DENND2C: variants seen among roughly 807,000 people sequenced by gnomAD.
DENND2C encodes DENN domain-containing protein 2C.
Under a neutral mutation model 112.4 loss-of-function variants are expected in DENND2C, and 72 were observed. That is an observed-to-expected ratio of 0.64 (90% CI 0.53 to 0.78). DENND2C has a LOEUF of 0.78. DENND2C is among the 30% of genes least tolerant of loss of function. The pLI, the probability that DENND2C is intolerant of heterozygous loss-of-function variation, is 0.00. For missense variants in DENND2C, 992 were observed against 1,113.8 expected (o/e 0.89, Z 1.56); for synonymous variants, 329 against 381.6 (o/e 0.86, Z 1.61).
chr1:114,669,065 G>A (rs1213736687), intron 1 of DENND2C, among the ~76,000 whole-genome samples: 1 of 152,172 alleles, frequency 6.6e-6, no homozygotes, highest in Non-Finnish European at 1.5e-5. Context: ...TGTGGGAAAA[G>A]TTTAAACAAC....
Position 114,587,855 on chromosome 1 carries a change from C to T in DENND2C, c.2529G>A (p.Gly843=), listed in dbSNP as rs745509521. ...ATGGTTCCCTTTGGAAAACACGCTC[C>T]CCACGCTCAGTGACAGTCATGTTCA... ...YSLNMTVTER[G]ERVFQREPFR... The change falls in exon 19 of 21, where the codon GGG becomes GGA. Residue 843 remains glycine, a synonymous_variant. Transcript: ENST00000393274. The T allele has an allele frequency of 1.2e-6, 2 of 1,614,116 alleles. No individual in the cohort carries two copies. The highest frequency in any genetic ancestry group is 3.3e-5 in the Admixed American group (2 of 60,004).
intron 1 of DENND2C, among the ~76,000 whole-genome samples, chr1:114,668,658 T>C (rs1657709168): frequency 6.6e-6 from 1 of 152,050 alleles, no homozygotes; most frequent in Non-Finnish European, 1.5e-5. Context: ...GCCTACAGGT[T>C]ACAAAACTGC....
At chr1:114,604,017 A>T (rs564330984) in intron 11 of DENND2C, among the ~76,000 whole-genome samples, 1 of 152,278 alleles carries the variant, frequency 6.6e-6, no homozygotes, top group South Asian at 2.1e-4. Flanking sequence ...AACATATATA[A>T]CTTGTTGTGG....
chr1:114,624,835 G>T (rs897386110), intron 4 of DENND2C, among the ~76,000 whole-genome samples: 4 of 151,928 alleles, frequency 2.6e-5, no homozygotes, highest in Non-Finnish European at 5.9e-5. Flanking sequence ...TGGCCAGGCT[G>T]GTCTTGAACT....
At chr1:114,629,576 G>T (rs2101670993) in intron 3 of DENND2C, among the ~76,000 whole-genome samples, 1 of 152,304 alleles carries the variant, frequency 6.6e-6, no homozygotes, top group South Asian at 2.1e-4. Flanking sequence ...ACTGTGCCTG[G>T]CCAAGCATGA....
At chr1:114,621,093 T>C (rs1365751660) in intron 7 of DENND2C, among the ~76,000 whole-genome samples, 2 of 152,176 alleles carry the variant, frequency 1.3e-5, no homozygotes. Context: ...AAGTTTAAAA[T>C]TTTTTCATAT....
chr1:114,617,631 C>A (rs536670299), intron 8 of DENND2C, among the ~76,000 whole-genome samples: 3 of 148,564 alleles, frequency 2.0e-5, no homozygotes, highest in Non-Finnish European at 4.5e-5. Context: ...TAAATGACTA[C>A]AAGTTGAGTA....
intron 16 of DENND2C, among the ~76,000 whole-genome samples, chr1:114,597,880 T>C (rs1655387634): frequency 6.6e-6 from 1 of 152,128 alleles, no homozygotes. Context: ...AATAGAAGGA[T>C]GCTCAACCTC....
intron 8 of DENND2C, among the ~76,000 whole-genome samples, chr1:114,617,525 G>A (rs1656007739): frequency 6.6e-6 from 1 of 152,002 alleles, no homozygotes; most frequent in Non-Finnish European, 1.5e-5. Flanking sequence ...GGTCAGGCTG[G>A]TCTCGAACTC....
chr1:114,663,327 A>G (rs961696463), intron 1 of DENND2C, among the ~76,000 whole-genome samples: 3 of 152,226 alleles, frequency 2.0e-5, no homozygotes, highest in Non-Finnish European at 4.4e-5. Context: ...TGATTCAGTA[A>G]AGAACACTGA....
chr1:114,658,706 A>T (rs750739350), intron 1 of DENND2C, among the ~76,000 whole-genome samples: 2 of 147,850 alleles, frequency 1.4e-5, no homozygotes, highest in Admixed American at 1.4e-4. Flanking sequence ...GGGAGGAGAA[A>T]GTCTGATGGA....
Position 114,667,831 on chromosome 1 carries a change from T to C in DENND2C, c.-574+2152A>G, listed in dbSNP as rs1020765431. 2.0e-5 allele frequency among the ~76,000 whole-genome samples: 3 copies of C among 152,294 alleles called. No individual in the cohort carries two copies. The South Asian group carries it at 6.2e-4, about 32-fold the overall frequency. The stretch of plus-strand genomic sequence containing the variant: ...TTTTGCTATCTAGGTTGTCTAATCA[T>C]GGGCAAGTTACTCAACCTCTCTATG... On this transcript the variant is annotated intron_variant, in intron 1 of 20. Coordinates refer to ENST00000393274, the MANE Select transcript of DENND2C (RefSeq NM_001256404.2).
At chr1:114,612,462 C>G (rs572740478) in intron 8 of DENND2C, among the ~76,000 whole-genome samples, 7 of 151,684 alleles carry the variant, frequency 4.6e-5, no homozygotes, top group African/African-American at 1.5e-4. Flanking sequence ...ACTGATCCCC[C>G]CTACCTCAGC....
intron 3 of DENND2C, among the ~76,000 whole-genome samples, chr1:114,637,838 T>C (rs991967227): frequency 2.6e-5 from 4 of 152,072 alleles, no homozygotes; most frequent in Admixed American, 6.6e-5. Flanking sequence ...TTTGTTACTA[T>C]AAAAAATTAT....
Position 114,587,781 on chromosome 1 carries a change from A to G in DENND2C, c.2603T>C (p.Phe868Ser), listed in dbSNP as rs138334687. ...TCCTGCAAACATCTGAGTTTCCATGAAGAGATCCAGGAAGTGGCGTACACT... is the reference window on the plus strand; with the variant it reads ...TCCTGCAAACATCTGAGTTTCCATGGAGAGATCCAGGAAGTGGCGTACACT... ...SRSVRHFLDL[F>S]METQMFAGFI... is the part of the protein sequence containing the mutation. Residue 868 changes from phenylalanine (F) to serine (S), a missense_variant, in exon 19 of 21, where the codon TTC (phenylalanine) becomes TCC (serine). Physicochemically the swap from Phe to Ser is radical, Grantham distance 155. Transcript: ENST00000393274. 1 of 1,613,994 alleles carries G rather than the reference A, an allele frequency of 6.2e-7. No homozygotes were observed. Among genetic ancestry groups the G allele is most frequent in the African/African-American group, 1.3e-5 (1 of 74,896 alleles).
chr1:114,604,890 T>C (rs1383867025), intron 11 of DENND2C, 32 bp downstream of exon 11: 1 of 1,462,428 alleles, frequency 6.8e-7, no homozygotes, highest in Non-Finnish European at 9.6e-7. Context: ...GCAGGTCTAA[T>C]GAATAGAAAT....
intron 20 of DENND2C, among the ~76,000 whole-genome samples, chr1:114,585,852 T>A (rs1359824507): frequency 6.6e-6 from 1 of 152,204 alleles, no homozygotes; most frequent in Non-Finnish European, 1.5e-5. Flanking sequence ...TCAGACATCA[T>A]GTAATCCAGT....
chr1:114,621,698 C>T (rs995839206), intron 7 of DENND2C, among the ~76,000 whole-genome samples, 197 bp downstream of exon 7: 1 of 152,232 alleles, frequency 6.6e-6, no homozygotes. Context: ...TAAAAATCCA[C>T]AACGAAACTC....
At chr1:114,668,709 C>T (rs1004894284) in intron 1 of DENND2C, among the ~76,000 whole-genome samples, 1 of 152,086 alleles carries the variant, frequency 6.6e-6, no homozygotes, top group Non-Finnish European at 1.5e-5. Flanking sequence ...TAAAATCCCT[C>T]GCACACATAT....
Sources: gnomAD v4.1 joint callset for allele counts (sites outside exome capture counted in the v4.1 genomes callset) on GRCh38, gnomAD v4.1.1 for gene constraint, MANE v1.5 for transcripts, NCBI Gene and HGNC (gene_info 2026-07-23, HGNC 2026-07-21) for gene names.